Variants in EDIL3 observed in about 807,000 individuals in gnomAD.
EDIL3 encodes the protein EGF like and discoidin domains 3.
A neutral mutation model predicts 67.4 loss-of-function variants in EDIL3; 37 were observed. The ratio of observed to expected loss-of-function variants is 0.55; its 90% CI spans 0.42 to 0.72. The LOEUF (loss-of-function observed/expected upper bound fraction) is 0.72, where lower values mean the gene tolerates loss of function less well. Ranked by LOEUF, EDIL3 falls within the 30% of genes least tolerant of loss-of-function variation. The pLI is 0.00. For missense variants in EDIL3, 527 were observed against 586.3 expected (o/e 0.90, Z 1.04); for synonymous variants, 195 against 196.3 (o/e 0.99, Z 0.05).
At chr5:84,092,725 G>C (rs1044867610) in intron 6 of EDIL3, among the ~76,000 whole-genome samples, 15 of 151,770 alleles carry the variant, frequency 9.9e-5, no homozygotes, top group Admixed American at 9.2e-4. Context: ...CTCATGGTGT[G>C]ATTATAATAA....
At chr5:84,345,760 A>G (rs1424622843) in intron 1 of EDIL3, among the ~76,000 whole-genome samples, 2 of 152,192 alleles carry the variant, frequency 1.3e-5, no homozygotes, top group African/African-American at 2.4e-5. Flanking sequence ...TTAACCAAGC[A>G]TTTTTGCAAA....
intron 9 of EDIL3, among the ~76,000 whole-genome samples, chr5:84,006,602 T>TA (rs1383505857): frequency 1.3e-5 from 2 of 152,064 alleles, no homozygotes; most frequent in African/African-American, 4.8e-5. Flanking sequence ...GGCAAGGATT[T>TA]AAAAAAGTAC....
intron 5 of EDIL3, among the ~76,000 whole-genome samples, chr5:84,114,605 G>T (rs186817342): frequency 6.6e-6 from 1 of 152,176 alleles, no homozygotes; most frequent in Non-Finnish European, 1.5e-5. Flanking sequence ...TACAGTCACA[G>T]TAACCTTCCT....
chr5:84,295,217 T>C (rs1266091092), intron 1 of EDIL3, among the ~76,000 whole-genome samples: 2 of 152,100 alleles, frequency 1.3e-5, no homozygotes, highest in African/African-American at 4.8e-5. Flanking sequence ...CTTTTAAAAA[T>C]AATAATTCTG....
intron 6 of EDIL3, among the ~76,000 whole-genome samples, chr5:84,082,134 T>C (rs72774784): frequency 0.065 from 9,965 of 152,306 alleles, 460 homozygotes; most frequent in Middle Eastern, 0.12. Context: ...CAGTATATTA[T>C]TTGCAGCATG....
chr5:84,353,382 T>G (rs1747405075), intron 1 of EDIL3, among the ~76,000 whole-genome samples: 1 of 152,172 alleles, frequency 6.6e-6, no homozygotes, highest in African/African-American at 2.4e-5. Flanking sequence ...ATCCGTAACT[T>G]AAACTCACAA....
At chr5:84,043,613 A>T (rs1746170573) in intron 9 of EDIL3, among the ~76,000 whole-genome samples, 1 of 152,240 alleles carries the variant, frequency 6.6e-6, no homozygotes, top group Non-Finnish European at 1.5e-5. Flanking sequence ...CTCAACAGAA[A>T]AGGGAGAAAC....
chr5:84,066,467 C>T lies in EDIL3; in HGVS notation c.791G>A (p.Gly264Asp). 2 of 1,601,848 alleles carry T rather than the reference C, an allele frequency of 1.2e-6. No individual in the cohort carries two copies. Among genetic ancestry groups the T allele is most frequent in the Admixed American group, 1.8e-5 (1 of 56,968 alleles). The change falls in exon 7 of 11, where the codon GGC (glycine) becomes GAC (aspartate). Residue 264 changes from glycine to aspartate, a missense_variant. Coordinates refer to ENST00000296591, the MANE Select transcript of EDIL3 (RefSeq NM_005711.5). ...TATTCTTACCATGTCTTCATTGGTG[C>T]CTTTCACTTTGTACATTGCCCAAGT... ...GKTWAMYKVK[G>D]TNEDMVFRGN...
chr5:84,047,590 T>C (rs530145676), intron 9 of EDIL3: 174 of 152,228 alleles, frequency 1.1e-3, no homozygotes, highest in African/African-American at 3.9e-3. Flanking sequence ...GTCTTGATAA[T>C]TTTCTGATTT....
intron 9 of EDIL3, among the ~76,000 whole-genome samples, chr5:84,050,960 G>A (rs1466801148): frequency 1.3e-5 from 2 of 152,204 alleles, no homozygotes; most frequent in Non-Finnish European, 2.9e-5. Flanking sequence ...GCTTTGAAGA[G>A]AGTAGTGGTT....
Position 84,239,248 on chromosome 5 carries a change from C to T in EDIL3, c.197-9364G>A, listed in dbSNP as rs913086468. On this transcript the variant is annotated intron_variant, in intron 2 of 10. Coordinates refer to ENST00000296591, the MANE Select transcript of EDIL3 (RefSeq NM_005711.5). ...CCTAGTCATCATTTTTGTTGACCTA[C>T]TCTTGATAAACTCAAATTTGATAAC... 2.6e-4 allele frequency among the ~76,000 whole-genome samples: 40 copies of T among 152,070 alleles called. 1 individual carries two copies. The highest frequency in any genetic ancestry group is 3.7e-4 in the Non-Finnish European group (25 of 67,996).
chr5:84,382,178 C>A (rs954515038), intron 1 of EDIL3, among the ~76,000 whole-genome samples: 3 of 152,216 alleles, frequency 2.0e-5, no homozygotes, highest in African/African-American at 7.2e-5. Flanking sequence ...CCTGTCCTCA[C>A]AAGCTAGCTG....
rs960484287 is a variant in EDIL3 at position 84,384,616 on chromosome 5, G to A, written c.-242C>T. The A allele has an allele frequency of 6.5e-5, 21 of 325,512 alleles. No individual in the cohort carries two copies. The highest frequency in any genetic ancestry group is 4.8e-5 in the East Asian group (1 of 20,648). 20.2% of individuals were successfully genotyped at this position (325,512 alleles called of 1,614,324 possible). ...CGCGCGGAGGTGGGTGAGCTCCGGG[G>A]AGCCGCCGGCGGGCTCAGCCCTCCG... On this transcript the variant is annotated 5_prime_UTR_variant, in exon 1 of 11. Coordinates refer to ENST00000296591, the MANE Select transcript of EDIL3 (RefSeq NM_005711.5).
intron 1 of EDIL3, among the ~76,000 whole-genome samples, chr5:84,318,466 C>A (rs1390267882): frequency 6.6e-6 from 1 of 152,180 alleles, no homozygotes; most frequent in East Asian, 1.9e-4. Flanking sequence ...GATATATAGA[C>A]CAATGGAACA....
chr5:84,168,096 C>G (rs982820321), intron 4 of EDIL3, among the ~76,000 whole-genome samples: 3 of 152,192 alleles, frequency 2.0e-5, no homozygotes, highest in Admixed American at 2.0e-4. Context: ...GGCATAATTG[C>G]AAAATAAATT....
intron 7 of EDIL3, among the ~76,000 whole-genome samples, chr5:84,066,063 C>T (rs979531111): frequency 1.0e-4 from 15 of 147,776 alleles, no homozygotes; most frequent in African/African-American, 3.5e-4. Flanking sequence ...TATAGTGAGC[C>T]GAGATCGCGC....
intron 1 of EDIL3, among the ~76,000 whole-genome samples, chr5:84,309,299 C>CT (rs939564007): frequency 3.5e-5 from 4 of 113,286 alleles, no homozygotes; most frequent in Non-Finnish European, 7.7e-5. Context: ...TTTCCTCTTT[C>CT]TTTTTTTTTC....
rs371740449 is a variant in EDIL3, at chr5:84,144,123, T to G, written c.356-6769A>C. On this transcript the variant is annotated intron_variant, in intron 4 of 10. Transcript: ENST00000296591. The stretch of plus-strand genomic sequence containing the variant: ...ATGGTCTTGGGAGAGACAAAGGGAG[T>G]AATATACTTTTTAAAAGGCATTCCA... Among the ~76,000 whole-genome samples the G allele has an allele frequency of 2.0e-3, 310 of 151,774 alleles. 18 individuals carry two copies. In the South Asian group the frequency reaches 0.061, roughly 30 times the overall value.
chr5:84,305,853 T>C (rs1267944238), intron 1 of EDIL3, among the ~76,000 whole-genome samples: 1 of 151,814 alleles, frequency 6.6e-6, no homozygotes, highest in African/African-American at 2.4e-5. Flanking sequence ...CACTCCAGCC[T>C]GAGCGACAGA....
Sources: gnomAD v4.1 joint callset for allele counts (sites outside exome capture counted in the v4.1 genomes callset) on GRCh38, gnomAD v4.1.1 for gene constraint, MANE v1.5 for transcripts, NCBI Gene and HGNC (gene_info 2026-07-23, HGNC 2026-07-21) for gene names.